SARNP: variants seen among roughly 807,000 people sequenced by gnomAD.
The protein encoded by SARNP is SAP domain containing ribonucleoprotein, also known as SAP domain-containing ribonucleoprotein.
Under a neutral mutation model 38.1 loss-of-function variants are expected in SARNP, and 5 were observed. The ratio of observed to expected loss-of-function variants is 0.13; its 90% confidence interval spans 0.07 to 0.28. SARNP has a LOEUF of 0.28. Ranked by LOEUF, SARNP falls within the 10% of genes least tolerant of loss-of-function variation. The probability of loss-of-function intolerance (pLI) is 1.00; values close to 1 mark genes in which losing one functional copy is unlikely to be tolerated. For synonymous variants in SARNP, 84 were observed against 80.6 expected (o/e 1.04, Z -0.23); for missense variants, 180 against 243.9 (o/e 0.74, Z 1.75).
chr12:55,805,849 A>G (rs1439611714), intron 1 of SARNP, among the ~76,000 whole-genome samples: 1 of 151,914 alleles, frequency 6.6e-6, no homozygotes, highest in African/African-American at 2.4e-5. Context: ...TGTCTCAAAA[A>G]AATAAATAAA....
Position 55,794,364 on chromosome 12 carries a change from G to A in SARNP, c.401C>T (p.Thr134Ile). 2 of 1,607,788 alleles carry A rather than the reference G, an allele frequency of 1.2e-6. No individual in the cohort carries two copies. The highest frequency in any genetic ancestry group is 1.7e-6 in the Non-Finnish European group (2 of 1,178,062). Residue 134 changes from threonine (T) to isoleucine (I), a missense_variant, in exon 7 of 11, where the codon ACA becomes ATA. This residue lies in a region of SARNP where 161 missense variants were observed against 194.1 expected (regional missense o/e 0.83). Transcript: ENST00000336133. ...AAGTATCTCTGTACTCTTACCTTTT[G>A]TTGGAACTGAAGAAATCCCAAACCT... is the stretch of plus-strand genomic sequence containing the variant. ...AARFGISSVPTKGLSSDNKPM... is the reference protein window; with the variant it reads ...AARFGISSVPIKGLSSDNKPM...
intron 4 of SARNP, among the ~76,000 whole-genome samples, chr12:55,797,111 C>T (rs1879843441): frequency 6.6e-6 from 1 of 152,232 alleles, no homozygotes; most frequent in Non-Finnish European, 1.5e-5. Context: ...CATTTAGAGA[C>T]ATGGGCAGCT....
intron 10 of SARNP, among the ~76,000 whole-genome samples, chr12:55,759,704 G>GT (rs1353735699): frequency 6.6e-6 from 1 of 152,114 alleles, no homozygotes; most frequent in Admixed American, 6.5e-5. Context: ...GCCTCCCAAA[G>GT]TGCTAGGATT....
intron 9 of SARNP, among the ~76,000 whole-genome samples, chr12:55,775,440 A>C (rs1206585667): frequency 6.7e-6 from 1 of 149,728 alleles, no homozygotes; most frequent in Non-Finnish European, 1.5e-5. Context: ...GCATACTTGC[A>C]GTCCCAGCTA....
chr12:55,783,162 G>A (rs577199092), intron 9 of SARNP, among the ~76,000 whole-genome samples: 3 of 151,950 alleles, frequency 2.0e-5, no homozygotes, highest in East Asian at 1.9e-4. Context: ...CTTCACCAAC[G>A]GCACTGACCC....
chr12:55,774,437 G>A (rs1006833642), intron 9 of SARNP, among the ~76,000 whole-genome samples: 11 of 151,142 alleles, frequency 7.3e-5, no homozygotes, highest in African/African-American at 2.2e-4. Context: ...CAAGATCAAC[G>A]GGCTAGGCAC....
At chr12:55,789,454 C>G (rs544710451) in intron 8 of SARNP, among the ~76,000 whole-genome samples, 2 of 152,312 alleles carry the variant, frequency 1.3e-5, no homozygotes, top group East Asian at 3.9e-4. Context: ...CACCTCCAAA[C>G]AAGTCTACCA....
chr12:55,795,962 T>A, intron 5 of SARNP, 63 bp downstream of exon 5: 2 of 1,126,980 alleles, frequency 1.8e-6, no homozygotes, highest in Non-Finnish European at 2.6e-6. Flanking sequence ...GATGCAGATA[T>A]AATAAAGGGT....
chr12:55,791,312 G>T (rs1442367823), intron 7 of SARNP, among the ~76,000 whole-genome samples: 1 of 152,146 alleles, frequency 6.6e-6, no homozygotes, highest in African/African-American at 2.4e-5. Flanking sequence ...TTAAATGGAT[G>T]AACTGTATGT....
intron 2 of SARNP, 128 bp downstream of exon 2, chr12:55,803,501 A>G: frequency 1.9e-6 from 1 of 516,060 alleles, no homozygotes; most frequent in Non-Finnish European, 3.4e-6. Flanking sequence ...AAAAAGAGAG[A>G]GTTTTCTTGA....
intron 1 of SARNP, among the ~76,000 whole-genome samples, chr12:55,814,878 A>G (rs528719354): frequency 6.6e-6 from 1 of 152,140 alleles, no homozygotes; most frequent in South Asian, 2.1e-4. Flanking sequence ...CAATTTAAAA[A>G]AAAAAAAAAA....
intron 9 of SARNP, 38 bp downstream of exon 9, chr12:55,789,037 A>G (rs374326089): frequency 7.9e-5 from 111 of 1,404,470 alleles, no homozygotes; most frequent in Non-Finnish European, 1.0e-4. Context: ...AGCTGCTCTA[A>G]TGTCACAAAA....
rs1565673497 is a variant in SARNP, at chr12:55,774,558, T to TAAAAAAAAAAAAAAAAA, written c.502-13919_502-13918insTTTTTTTTTTTTTTTTT. On this transcript the variant is annotated intron_variant, in intron 9 of 10. Coordinates refer to ENST00000336133, the MANE Select transcript of SARNP (RefSeq NM_033082.4). ...CGACACGGTGAAACCCCGTCTCTAC[T>TAAAAAAAAAAAAAAAAA]GAAAAAAAAAAAAAAACAAACAAAA... 1.2e-3 allele frequency among the ~76,000 whole-genome samples: 50 copies of TAAAAAAAAAAAAAAAAA among 40,522 alleles called. 2 individuals carry two copies. Among genetic ancestry groups the TAAAAAAAAAAAAAAAAA allele is most frequent in the South Asian group, 2.2e-3 (2 of 920 alleles). The allele number at this position is 40,522 out of a possible 152,430, so 26.6% of individuals were successfully genotyped here. A position where few individuals can be genotyped will look rare whatever the true frequency, so the allele number is the denominator to read the frequency against.
At chr12:55,803,583 T>G (rs765112670) in intron 2 of SARNP, 46 bp downstream of exon 2, 1 of 1,191,928 alleles carries the variant, frequency 8.4e-7, no homozygotes, top group Non-Finnish European at 1.2e-6. Flanking sequence ...TGTCAAAGCC[T>G]GAAAATCCCC....
At chr12:55,774,092 C>A (rs1453636638) in intron 9 of SARNP, among the ~76,000 whole-genome samples, 1 of 152,044 alleles carries the variant, frequency 6.6e-6, no homozygotes, top group Non-Finnish European at 1.5e-5. Context: ...GCAGCCTGGA[C>A]CTCCTTGGCT....
intron 10 of SARNP, among the ~76,000 whole-genome samples, chr12:55,759,638 AC>A (rs779464818): frequency 8.1e-4 from 124 of 152,148 alleles, no homozygotes; most frequent in Non-Finnish European, 1.6e-3. Flanking sequence ...ATGGGGTTTC[AC>A]CATGTTGGCC....
intron 7 of SARNP, chr12:55,792,525 C>T (rs1380309473): frequency 6.7e-6 from 1 of 149,886 alleles, no homozygotes; most frequent in African/African-American, 2.4e-5. Flanking sequence ...GCGCGCAACA[C>T]CACACCCAGC....
chr12:55,769,706 G>C (rs1878949596), intron 9 of SARNP, among the ~76,000 whole-genome samples: 1 of 152,340 alleles, frequency 6.6e-6, no homozygotes, highest in East Asian at 1.9e-4. Flanking sequence ...AACGATGCAT[G>C]CTCAGTAGAA....
At chr12:55,758,384 C>T (rs181067996) in intron 10 of SARNP, among the ~76,000 whole-genome samples, 5 of 152,290 alleles carry the variant, frequency 3.3e-5, no homozygotes, top group East Asian at 1.9e-4. Context: ...TGGTGGCTCA[C>T]GCCTGTAATC....
Sources: gnomAD v4.1 joint callset for allele counts (sites outside exome capture counted in the v4.1 genomes callset) on GRCh38, gnomAD v4.1.1 for gene constraint, gnomAD v4.1.1 regional missense constraint, MANE v1.5 for transcripts, NCBI Gene and HGNC (gene_info 2026-07-23, HGNC 2026-07-21) for gene names.